The following ZNF804A variants were observed in gnomAD, a reference collection of about 807,000 sequenced individuals.
ZNF804A encodes the protein zinc finger protein 804A.
A neutral mutation model predicts 16.5 loss-of-function variants in ZNF804A; 2 were observed. The observed-to-expected ratio is 0.12, with a 90% CI of 0.05 to 0.38. The LOEUF (loss-of-function observed/expected upper bound fraction) is 0.38. Ranked by LOEUF, ZNF804A falls within the 10% of genes least tolerant of loss-of-function variation. The pLI is 0.99. For synonymous variants in ZNF804A, 534 were observed against 489.6 expected (o/e 1.09, Z -1.20); for missense variants, 1,473 against 1,390.7 (o/e 1.06, Z -0.94).
chr2:184,705,766 C>T (rs925265479), intron 1 of ZNF804A, among the ~76,000 whole-genome samples: 2 of 152,122 alleles, frequency 1.3e-5, no homozygotes, highest in Non-Finnish European at 2.9e-5. Context: ...GAATACGCAT[C>T]TTGGCAAATG....
chr2:184,907,199 T>A (rs189336379), intron 2 of ZNF804A, among the ~76,000 whole-genome samples: 9 of 152,298 alleles, frequency 5.9e-5, no homozygotes, highest in Admixed American at 3.9e-4. Flanking sequence ...ATGGATTATT[T>A]TAAGCCATTT....
At chr2:184,782,300 C>G (rs770510026) in intron 1 of ZNF804A, among the ~76,000 whole-genome samples, 3 of 151,392 alleles carry the variant, frequency 2.0e-5, no homozygotes, top group Admixed American at 6.6e-5. Flanking sequence ...AGTATTGATC[C>G]TGGGTGTGTC....
intron 1 of ZNF804A, among the ~76,000 whole-genome samples, chr2:184,661,743 A>G (rs1483737536): frequency 6.6e-6 from 1 of 152,192 alleles, no homozygotes; most frequent in African/African-American, 2.4e-5. Context: ...TGTCTTTGGC[A>G]TGAAGATGGG....
rs1034863404 is a variant in ZNF804A at position 184,806,459 on chromosome 2, C to T, written c.112-59910C>T. ...CTGATTTCTTAATTATATTTCTCTT[C>T]GGAATACAATTATTTATGGTTTGAT... On this transcript the variant is annotated intron_variant, in intron 1 of 3. Coordinates refer to ENST00000302277, the MANE Select transcript of ZNF804A (RefSeq NM_194250.2). Among the ~76,000 whole-genome samples, 9 of 151,712 alleles carry T rather than the reference C, an allele frequency of 5.9e-5. 1 individual carries two copies. The South Asian group carries it at 6.2e-4, about 11-fold the overall frequency.
chr2:184,766,415 T>A (rs1040208004), intron 1 of ZNF804A, among the ~76,000 whole-genome samples: 1 of 152,016 alleles, frequency 6.6e-6, no homozygotes, highest in Non-Finnish European at 1.5e-5. Context: ...CCCAAAAGAT[T>A]TTTAAGATTT....
chr2:184,921,786 T>G (rs1392811781), intron 2 of ZNF804A, among the ~76,000 whole-genome samples: 1 of 152,074 alleles, frequency 6.6e-6, no homozygotes, highest in Non-Finnish European at 1.5e-5. Context: ...AGCTACACTT[T>G]CCAGGTTCTG....
At chr2:184,684,254 C>T (rs1692592973) in intron 1 of ZNF804A, among the ~76,000 whole-genome samples, 1 of 152,004 alleles carries the variant, frequency 6.6e-6, no homozygotes, top group African/African-American at 2.4e-5. Context: ...GAACAAAGTG[C>T]CTGAATTTCT....
intron 1 of ZNF804A, among the ~76,000 whole-genome samples, chr2:184,612,731 G>A (rs528107516): frequency 5.9e-5 from 9 of 152,098 alleles, no homozygotes; most frequent in Non-Finnish European, 1.2e-4. Context: ...ACTTAAAGTA[G>A]TTGATGTTAT....
chr2:184,917,093 A>T lies in ZNF804A; in HGVS notation c.256-16510A>T, dbSNP rs115997263. ...AAAATATTTTCACAGTAAAATCTAG[A>T]CTGGTGTTTGACCAATATATAGATA... On this transcript the variant is annotated intron_variant, in intron 2 of 3. Coordinates refer to ENST00000302277, the MANE Select transcript of ZNF804A (RefSeq NM_194250.2). 7.8e-3 allele frequency among the ~76,000 whole-genome samples: 1,182 copies of T among 152,282 alleles called. 10 individuals are homozygous for T. The highest frequency in any genetic ancestry group is 0.012 in the Non-Finnish European group (791 of 68,016).
chr2:184,732,926 T>C (rs1326475135), intron 1 of ZNF804A, among the ~76,000 whole-genome samples: 1 of 152,162 alleles, frequency 6.6e-6, no homozygotes, highest in Non-Finnish European at 1.5e-5. Flanking sequence ...CTGTTGCCAT[T>C]GTTGTTGATT....
chr2:184,630,960 A>G (rs1691597479), intron 1 of ZNF804A, among the ~76,000 whole-genome samples: 1 of 152,162 alleles, frequency 6.6e-6, no homozygotes, highest in Non-Finnish European at 1.5e-5. Context: ...GGATTTAATA[A>G]ATATGTAGCA....
intron 1 of ZNF804A, among the ~76,000 whole-genome samples, chr2:184,640,321 T>G (rs1691774324): frequency 6.6e-6 from 1 of 152,074 alleles, no homozygotes; most frequent in Admixed American, 6.5e-5. Flanking sequence ...TAAAATGTTA[T>G]ACTTTTACAT....
rs1685737605 is a variant in ZNF804A at position 184,933,508 on chromosome 2, G to A, written c.256-95G>A. The A allele has an allele frequency of 7.5e-6, 9 of 1,200,138 alleles. 1 individual carries two copies. In the South Asian group the frequency reaches 1.4e-4, roughly 19 times the overall value. The allele number at this position is 1,200,138 out of a possible 1,614,324, so 74.3% of individuals were successfully genotyped here. ...GTGTTTACCTCTCGACAAGGTCAAA[G>A]ATGATGCATTGGAAAATTTCAACAA... On this transcript the variant is annotated intron_variant, in intron 2 of 3. Transcript: ENST00000302277.
chr2:184,881,449 G>T (rs948489781), intron 2 of ZNF804A, among the ~76,000 whole-genome samples: 1 of 151,794 alleles, frequency 6.6e-6, no homozygotes, highest in Non-Finnish European at 1.5e-5. Context: ...AAAACAATCT[G>T]CAAGACACAT....
intron 1 of ZNF804A, among the ~76,000 whole-genome samples, chr2:184,602,962 C>G (rs1342976279): frequency 6.6e-6 from 1 of 152,076 alleles, no homozygotes; most frequent in African/African-American, 2.4e-5. Context: ...CAATTGTCTA[C>G]AGATGTGGAT....
chr2:184,658,650 C>G (rs1322501319), intron 1 of ZNF804A, among the ~76,000 whole-genome samples: 1 of 152,192 alleles, frequency 6.6e-6, no homozygotes, highest in East Asian at 1.9e-4. Flanking sequence ...TCTTGACCAA[C>G]TAACCTGACA....
chr2:184,774,738 T>A (rs1385362614), intron 1 of ZNF804A, among the ~76,000 whole-genome samples: 1 of 151,762 alleles, frequency 6.6e-6, no homozygotes, highest in Admixed American at 6.6e-5. Context: ...GTGATACATT[T>A]TTGCCTTATT....
intron 2 of ZNF804A, among the ~76,000 whole-genome samples, chr2:184,879,731 T>A (rs1266680344): frequency 6.6e-6 from 1 of 152,068 alleles, no homozygotes; most frequent in Non-Finnish European, 1.5e-5. Flanking sequence ...CCCCATTTAG[T>A]TTTTGTTTTG....
chr2:184,659,532 C>T (rs764463319), intron 1 of ZNF804A, among the ~76,000 whole-genome samples: 1 of 151,308 alleles, frequency 6.6e-6, no homozygotes, highest in East Asian at 1.9e-4. Context: ...ATATTTGAAA[C>T]CTTATAAAAA....
Sources: gnomAD v4.1 joint callset for allele counts (sites outside exome capture counted in the v4.1 genomes callset) on GRCh38, gnomAD v4.1.1 for gene constraint, MANE v1.5 for transcripts, NCBI Gene and HGNC (gene_info 2026-07-23, HGNC 2026-07-21) for gene names.